Variants in SHC3 observed in about 807,000 individuals in gnomAD.
SHC3 encodes SHC-transforming protein 3.
SHC3 carries 15 observed loss-of-function variants against 60.4 expected under a neutral mutation model. The observed-to-expected ratio is 0.25, with a 90% CI of 0.17 to 0.38. The LOEUF (loss-of-function observed/expected upper bound fraction) is 0.38. Ranked by LOEUF, SHC3 falls within the 10% of genes least tolerant of loss-of-function variation. SHC3 has a pLI of 1.00. For missense variants in SHC3, 677 were observed against 786.1 expected (o/e 0.86, Z 1.66); for synonymous variants, 294 against 325.9 (o/e 0.90, Z 1.05).
chr9:89,026,210 C>A (rs532326369), intron 11 of SHC3, among the ~76,000 whole-genome samples: 1 of 142,124 alleles, frequency 7.0e-6, no homozygotes, highest in Non-Finnish European at 1.5e-5. Flanking sequence ...GCTGAGATTG[C>A]GCCACTGTAC....
At chr9:89,102,640 T>C (rs1825799290) in intron 2 of SHC3, among the ~76,000 whole-genome samples, 1 of 152,232 alleles carries the variant, frequency 6.6e-6, no homozygotes, top group Admixed American at 6.5e-5. Context: ...TAACAGCAGA[T>C]GATACAGTAT....
intron 1 of SHC3, among the ~76,000 whole-genome samples, chr9:89,176,572 TTTTGG>T (rs1239011892): frequency 1.3e-5 from 2 of 152,348 alleles, no homozygotes; most frequent in African/African-American, 4.8e-5. Context: ...TGTCAGGGAT[TTTTGG>T]TTTGGTTTGT....
intron 11 of SHC3, among the ~76,000 whole-genome samples, chr9:89,027,235 A>G (rs1347687971): frequency 6.6e-6 from 1 of 152,056 alleles, no homozygotes; most frequent in African/African-American, 2.4e-5. Flanking sequence ...AGTGAGCATG[A>G]TGCTAAAATT....
intron 11 of SHC3, among the ~76,000 whole-genome samples, chr9:89,020,360 G>T (rs1271566926): frequency 1.3e-5 from 2 of 152,058 alleles, no homozygotes; most frequent in African/African-American, 4.8e-5. Flanking sequence ...TGTGGGGCAG[G>T]CTCCTTTGTG....
intron 11 of SHC3, among the ~76,000 whole-genome samples, chr9:89,024,535 AC>A (rs1309279693): frequency 3.3e-5 from 5 of 152,324 alleles, no homozygotes; most frequent in Admixed American, 2.6e-4. Context: ...TTGGCCTGCC[AC>A]CTGCTAATGA....
intron 11 of SHC3, among the ~76,000 whole-genome samples, chr9:89,017,972 A>G (rs1044060669): frequency 1.3e-5 from 2 of 152,248 alleles, no homozygotes; most frequent in African/African-American, 4.8e-5. Flanking sequence ...AGTGGTGATC[A>G]TTAAAAAGTC....
At chr9:89,049,590 G>A (rs1824829624) in intron 7 of SHC3, among the ~76,000 whole-genome samples, 2 of 152,232 alleles carry the variant, frequency 1.3e-5, no homozygotes, top group Admixed American at 6.5e-5. Flanking sequence ...CCCCCATGGA[G>A]ATTAAATAAG....
rs1029150331 is a variant in SHC3 at position 89,112,332 on chromosome 9, G to A, written c.545+224C>T. On this transcript the variant is annotated intron_variant, in intron 2 of 11. Coordinates refer to ENST00000375835, the MANE Select transcript of SHC3 (RefSeq NM_016848.6). The stretch of plus-strand genomic sequence containing the variant: ...TCTGCAGCTAAATTATAAAAAGAGC[G>A]TGCAAGGGCAGAGTGTCCTTCAAGG... 1.4e-4 allele frequency among the ~76,000 whole-genome samples: 21 copies of A among 152,262 alleles called. No individual in the cohort carries two copies. In the Middle Eastern group the frequency reaches 0.01, roughly 74 times the overall value.
At chr9:89,158,611 C>G (rs1326632019) in intron 1 of SHC3, among the ~76,000 whole-genome samples, 1 of 152,142 alleles carries the variant, frequency 6.6e-6, no homozygotes, top group Non-Finnish European at 1.5e-5. Context: ...CTAGTGGTAT[C>G]AATTACTAGA....
chr9:89,015,749 C>G (rs1044806224), intron 11 of SHC3, among the ~76,000 whole-genome samples: 11 of 152,214 alleles, frequency 7.2e-5, no homozygotes, highest in African/African-American at 2.7e-4. Context: ...ACTCCAGACA[C>G]ACCTGCAAGG....
intron 1 of SHC3, among the ~76,000 whole-genome samples, chr9:89,173,706 CAT>C (rs1253639355): frequency 2.6e-5 from 4 of 151,556 alleles, no homozygotes; most frequent in African/African-American, 4.9e-5. Context: ...TGTGTATGTG[CAT>C]ATGTGTGTGT....
intron 6 of SHC3, among the ~76,000 whole-genome samples, chr9:89,064,126 C>T (rs1035639635): frequency 6.6e-6 from 1 of 152,172 alleles, no homozygotes; most frequent in Admixed American, 6.5e-5. Flanking sequence ...CAAGGCTTCC[C>T]CCTCATGACC....
intron 2 of SHC3, among the ~76,000 whole-genome samples, chr9:89,099,830 T>C (rs1825757582): frequency 1.3e-5 from 2 of 152,236 alleles, no homozygotes; most frequent in South Asian, 4.1e-4. Flanking sequence ...CTTAACAGCG[T>C]TGAGTTTGTG....
At chr9:89,157,804 C>G (rs895128209) in intron 1 of SHC3, among the ~76,000 whole-genome samples, 5 of 151,888 alleles carry the variant, frequency 3.3e-5, no homozygotes, top group Non-Finnish European at 7.4e-5. Flanking sequence ...ATTTTTTTTG[C>G]AGAAATAGGA....
At chr9:89,131,310 G>A (rs1826241337) in intron 1 of SHC3, among the ~76,000 whole-genome samples, 1 of 152,152 alleles carries the variant, frequency 6.6e-6, no homozygotes, top group Non-Finnish European at 1.5e-5. Flanking sequence ...TGGATTCACA[G>A]CCAAATTCTA....
At chr9:89,078,039 G>A (rs1587714059) in intron 2 of SHC3, 136 bp from the exon 3 acceptor site, 1 of 958,336 alleles carries the variant, frequency 1.0e-6, no homozygotes, top group East Asian at 2.6e-5. Flanking sequence ...CAATTTGGGA[G>A]TCATCCGATT....
chr9:89,136,519 G>T (rs1826321653), intron 1 of SHC3, among the ~76,000 whole-genome samples: 1 of 152,146 alleles, frequency 6.6e-6, no homozygotes, highest in Non-Finnish European at 1.5e-5. Flanking sequence ...GCCAGGAAAT[G>T]TCAGGAAGTT....
chr9:89,117,522 C>G (rs1276219451), intron 1 of SHC3, among the ~76,000 whole-genome samples: 1 of 152,050 alleles, frequency 6.6e-6, no homozygotes, highest in Non-Finnish European at 1.5e-5. Flanking sequence ...TTGATATTAA[C>G]TTCTTATTCA....
chr9:89,039,563 A>T (rs771446496), intron 10 of SHC3, among the ~76,000 whole-genome samples: 6 of 152,060 alleles, frequency 3.9e-5, no homozygotes, highest in Non-Finnish European at 5.9e-5. Context: ...CATCATCCCC[A>T]ACATCGCCAC....
Sources: allele counts gnomAD v4.1 joint callset (sites outside exome capture counted in the v4.1 genomes callset), GRCh38; gene constraint gnomAD v4.1.1; transcripts MANE v1.5; gene names NCBI Gene and HGNC (gene_info 2026-07-23, HGNC 2026-07-21).